The following FNDC3B variants were observed in gnomAD, a reference collection of about 807,000 sequenced individuals.
FNDC3B encodes fibronectin type III domain-containing protein 3B.
FNDC3B carries 12 observed loss-of-function variants against 151.5 expected under a neutral mutation model. The observed-to-expected ratio is 0.08, with a 90% CI of 0.05 to 0.13. FNDC3B has a LOEUF of 0.13. Among genes scored for constraint, FNDC3B ranks in the 10% least tolerant of loss-of-function variants. The pLI, the probability that FNDC3B is intolerant of heterozygous loss-of-function variation, is 1.00. For missense variants in FNDC3B, 1,214 were observed against 1,505.3 expected, an observed-to-expected ratio of 0.81 and a Z score of 3.20; for synonymous variants, 528 against 549.0, an observed-to-expected ratio of 0.96 and a Z score of 0.54.
At chr3:172,159,591 G>GT (rs1464484188) in intron 3 of FNDC3B, among the ~76,000 whole-genome samples, 1 of 152,182 alleles carries the variant, frequency 6.6e-6, no homozygotes, top group African/African-American at 2.4e-5. Context: ...AAACCACAAA[G>GT]TAAATATTCA....
chr3:172,312,169 T>C (rs542012823), intron 11 of FNDC3B, among the ~76,000 whole-genome samples: 2 of 152,352 alleles, frequency 1.3e-5, no homozygotes, highest in Admixed American at 1.3e-4. Context: ...GAAATTTTGA[T>C]GTGAAAGAGA....
intron 1 of FNDC3B, among the ~76,000 whole-genome samples, chr3:172,095,359 T>C (rs866370225): frequency 6.6e-6 from 1 of 152,328 alleles, no homozygotes; most frequent in South Asian, 2.1e-4. Flanking sequence ...ATTCTGAAAC[T>C]GAAAATAGCT....
chr3:172,272,891 G>A (rs1454955071), intron 6 of FNDC3B, among the ~76,000 whole-genome samples: 1 of 148,866 alleles, frequency 6.7e-6, no homozygotes, highest in Non-Finnish European at 1.5e-5. Flanking sequence ...TATTAAAGAG[G>A]ATTAGGAACC....
At chr3:172,131,080 A>G (rs1297494176) in intron 2 of FNDC3B, among the ~76,000 whole-genome samples, 4 of 152,172 alleles carry the variant, frequency 2.6e-5, no homozygotes, top group Non-Finnish European at 2.9e-5. Flanking sequence ...TAAAGAAATG[A>G]CTTTAAAAGC....
At chr3:172,077,048 A>C (rs1358247958) in intron 1 of FNDC3B, among the ~76,000 whole-genome samples, 1 of 152,224 alleles carries the variant, frequency 6.6e-6, no homozygotes, top group African/African-American at 2.4e-5. Flanking sequence ...CGAGTGATCA[A>C]ATCACATAAT....
chr3:172,206,519 G>T (rs11465776), intron 3 of FNDC3B, among the ~76,000 whole-genome samples: 1 of 151,732 alleles, frequency 6.6e-6, no homozygotes, highest in South Asian at 2.1e-4. Context: ...ATTAGCTGGG[G>T]GTGGTGGCGG....
At chr3:172,355,524 G>C (rs370389092) in intron 22 of FNDC3B, among the ~76,000 whole-genome samples, 50 of 152,276 alleles carry the variant, frequency 3.3e-4, no homozygotes, top group Middle Eastern at 3.4e-3. Context: ...CTAGGGGGGG[G>C]GCCTAGCACT....
At chr3:172,207,447 T>C (rs1478717605) in intron 3 of FNDC3B, among the ~76,000 whole-genome samples, 1 of 152,198 alleles carries the variant, frequency 6.6e-6, no homozygotes, top group East Asian at 1.9e-4. Flanking sequence ...TTTGTGAACT[T>C]GTGCTTCACT....
chr3:172,106,491 T>TA (rs1719650348), intron 1 of FNDC3B, among the ~76,000 whole-genome samples: 1 of 152,240 alleles, frequency 6.6e-6, no homozygotes, highest in Admixed American at 6.5e-5. Context: ...TTGGTACTGT[T>TA]ATGTTTCTTT....
intron 2 of FNDC3B, among the ~76,000 whole-genome samples, chr3:172,131,091 T>A (rs1721069450): frequency 6.6e-6 from 1 of 152,152 alleles, no homozygotes; most frequent in African/African-American, 2.4e-5. Context: ...CTTTAAAAGC[T>A]CCTTTTCAAG....
intron 1 of FNDC3B, among the ~76,000 whole-genome samples, chr3:172,090,765 A>G (rs1355592644): frequency 6.6e-6 from 1 of 152,176 alleles, no homozygotes; most frequent in East Asian, 1.9e-4. Flanking sequence ...TGCCAACAGG[A>G]TGCCACAGTG....
At chr3:172,253,674 A>G (rs984807357) in intron 6 of FNDC3B, among the ~76,000 whole-genome samples, 2 of 152,190 alleles carry the variant, frequency 1.3e-5, no homozygotes, top group Admixed American at 6.6e-5. Context: ...AGAGTAGAAT[A>G]TATACCTAAC....
At chr3:172,066,586 A>G (rs1283514881) in intron 1 of FNDC3B, among the ~76,000 whole-genome samples, 1 of 152,228 alleles carries the variant, frequency 6.6e-6, no homozygotes. Context: ...GGGTTGAGCC[A>G]TTTAGTAAAG....
chr3:172,390,398 C>T (rs1329065202), intron 25 of FNDC3B, among the ~76,000 whole-genome samples: 3 of 152,036 alleles, frequency 2.0e-5, no homozygotes, highest in Non-Finnish European at 4.4e-5. Context: ...AATAGGATTC[C>T]TTTATTTTTA....
At chr3:172,209,606 A>G (rs1344197899) in intron 3 of FNDC3B, among the ~76,000 whole-genome samples, 2 of 152,130 alleles carry the variant, frequency 1.3e-5, no homozygotes, top group African/African-American at 4.8e-5. Flanking sequence ...TGGAAAAAGC[A>G]CCATCCGATT....
intron 6 of FNDC3B, among the ~76,000 whole-genome samples, chr3:172,253,049 G>T (rs980512376): frequency 6.6e-6 from 1 of 152,172 alleles, no homozygotes; most frequent in Admixed American, 6.5e-5. Flanking sequence ...TTCCTGAAGA[G>T]AATTTTTATC....
intron 11 of FNDC3B, among the ~76,000 whole-genome samples, chr3:172,316,084 T>C (rs987059054): frequency 7.0e-5 from 10 of 143,804 alleles, no homozygotes; most frequent in African/African-American, 2.5e-4. Context: ...CTCAGCTCAC[T>C]GCAACCTCTG....
intron 1 of FNDC3B, among the ~76,000 whole-genome samples, chr3:172,101,291 G>C (rs372159218): frequency 6.6e-6 from 1 of 152,198 alleles, no homozygotes; most frequent in African/African-American, 2.4e-5. Context: ...GAAAGGTTTC[G>C]TAGAGCATGG....
intron 3 of FNDC3B, among the ~76,000 whole-genome samples, chr3:172,139,493 A>G (rs971988289): frequency 7.2e-5 from 11 of 152,218 alleles, no homozygotes; most frequent in African/African-American, 2.7e-4. Context: ...TTGCTTTCAA[A>G]GATTGTAGTG....
Sources: gnomAD v4.1 joint callset for allele counts (sites outside exome capture counted in the v4.1 genomes callset) on GRCh38, gnomAD v4.1.1 for gene constraint, MANE v1.5 for transcripts, NCBI Gene and HGNC (gene_info 2026-07-23, HGNC 2026-07-21) for gene names.